The following HCRTR2 variants were observed in gnomAD, a reference collection of about 807,000 sequenced individuals.
HCRTR2 encodes the protein hypocretin receptor 2, also known as orexin receptor type 2.
HCRTR2 carries 22 observed loss-of-function variants against 49.0 expected under a neutral mutation model. The ratio of observed to expected loss-of-function variants is 0.45; its 90% CI spans 0.32 to 0.64. The LOEUF (loss-of-function observed/expected upper bound fraction) is 0.64, where lower values mean the gene tolerates loss of function less well. Among genes scored for constraint, HCRTR2 ranks in the 30% least tolerant of loss-of-function variants. The pLI is 0.04. For missense variants in HCRTR2, 491 were observed against 559.4 expected (o/e 0.88, Z 1.23); for synonymous variants, 236 against 205.3 (o/e 1.15, Z -1.28).
chr6:55,255,107 T>A (rs764471029), intron 2 of HCRTR2, 29 bp from the exon 3 acceptor site: 2 of 1,612,816 alleles, frequency 1.2e-6, no homozygotes, highest in Admixed American at 3.3e-5. Context: ...CTGGTGCTTC[T>A]CTATTACTAT....
intron 1 of HCRTR2, among the ~76,000 whole-genome samples, chr6:55,116,724 A>AAAAC (rs1554165904): frequency 6.9e-6 from 1 of 144,230 alleles, no homozygotes; most frequent in African/African-American, 2.5e-5. Context: ...AGAAAAAAAA[A>AAAAC]AAAACTCTTA....
intron 1 of HCRTR2, among the ~76,000 whole-genome samples, chr6:55,204,674 G>A (rs1400085358): frequency 6.6e-6 from 1 of 152,144 alleles, no homozygotes; most frequent in East Asian, 1.9e-4. Context: ...AAAAGAGTGG[G>A]AGAGAAAGTC....
At chr6:55,152,549 A>C (rs1459734621) in intron 1 of HCRTR2, among the ~76,000 whole-genome samples, 1 of 152,000 alleles carries the variant, frequency 6.6e-6, no homozygotes, top group Non-Finnish European at 1.5e-5. Context: ...CTATAGCCTA[A>C]GTAGCTTATA....
At chr6:55,241,735 A>G (rs971886300) in intron 1 of HCRTR2, among the ~76,000 whole-genome samples, 1 of 151,876 alleles carries the variant, frequency 6.6e-6, no homozygotes, top group East Asian at 1.9e-4. Context: ...AAAATACCAT[A>G]TTTATAAAAT....
At chr6:55,273,047 A>G (rs1767004441) in intron 4 of HCRTR2, among the ~76,000 whole-genome samples, 1 of 152,030 alleles carries the variant, frequency 6.6e-6, no homozygotes. Flanking sequence ...AAAAGGAACA[A>G]ATAAAATTAC....
At chr6:55,164,837 A>G (rs188491363) in intron 1 of HCRTR2, among the ~76,000 whole-genome samples, 3 of 152,272 alleles carry the variant, frequency 2.0e-5, no homozygotes, top group East Asian at 1.9e-4. Context: ...CTGGAGACCA[A>G]TCCTGGAGTG....
chr6:55,278,275 A>G (rs770463839), intron 5 of HCRTR2, among the ~76,000 whole-genome samples: 7 of 152,232 alleles, frequency 4.6e-5, no homozygotes, highest in Non-Finnish European at 7.3e-5. Flanking sequence ...GCAGTGGTAC[A>G]CACTAAACTT....
At chr6:55,242,638 T>A (rs1292741044) in intron 1 of HCRTR2, among the ~76,000 whole-genome samples, 1 of 152,222 alleles carries the variant, frequency 6.6e-6, no homozygotes, top group African/African-American at 2.4e-5. Context: ...AATTATTAGT[T>A]GGCATTTCAA....
chr6:55,236,130 C>T (rs1489791141), intron 1 of HCRTR2, among the ~76,000 whole-genome samples: 4 of 151,962 alleles, frequency 2.6e-5, no homozygotes, highest in Non-Finnish European at 4.4e-5. Context: ...TCTTCGATTC[C>T]ATGAGTAGGG....
intron 1 of HCRTR2, among the ~76,000 whole-genome samples, chr6:55,142,363 ATTTTT>A (rs60317937): frequency 3.9e-5 from 5 of 127,678 alleles, no homozygotes; most frequent in African/African-American, 1.5e-4. Flanking sequence ...CGCCCTGTTA[ATTTTT>A]TTTTTTTTTT....
At chr6:55,216,775 C>T (rs780366046) in intron 1 of HCRTR2, among the ~76,000 whole-genome samples, 78 of 152,218 alleles carry the variant, frequency 5.1e-4, no homozygotes, top group Non-Finnish European at 9.3e-4. Context: ...GCTGGTGTTT[C>T]TATAATTCTA....
chr6:55,198,946 G>A (rs1765464091), intron 1 of HCRTR2, among the ~76,000 whole-genome samples: 1 of 152,132 alleles, frequency 6.6e-6, no homozygotes, highest in Non-Finnish European at 1.5e-5. Flanking sequence ...AACACAATAG[G>A]ATCAATTACA....
intron 1 of HCRTR2, among the ~76,000 whole-genome samples, chr6:55,209,559 G>A (rs1016173451): frequency 3.9e-5 from 6 of 152,236 alleles, no homozygotes; most frequent in African/African-American, 1.4e-4. Context: ...GAGACTCGTG[G>A]GAGGCAGGGC....
intron 1 of HCRTR2, among the ~76,000 whole-genome samples, chr6:55,245,659 A>G (rs1370272904): frequency 6.6e-6 from 1 of 151,408 alleles, no homozygotes; most frequent in African/African-American, 2.4e-5. Context: ...TAGCTCACTT[A>G]GAGCTATTAC....
chr6:55,248,047 T>C (rs1562021209), intron 1 of HCRTR2, among the ~76,000 whole-genome samples: 1 of 152,114 alleles, frequency 6.6e-6, no homozygotes, highest in Non-Finnish European at 1.5e-5. Context: ...CTCAGCTTCC[T>C]CTTTTATAAA....
downstream of HCRTR2, chr6:55,282,707 A>C: frequency 2.5e-6 from 1 of 400,752 alleles, no homozygotes; most frequent in Middle Eastern, 6.2e-4. Context: ...TTCATGTATT[A>C]AAATGTGTCA....
At chr6:55,107,311 C>T (rs1440362648) in intron 1 of HCRTR2, among the ~76,000 whole-genome samples, 3 of 152,114 alleles carry the variant, frequency 2.0e-5, no homozygotes, top group Non-Finnish European at 2.9e-5. Flanking sequence ...TCTTCCTACT[C>T]TGACTTCTTG....
intron 1 of HCRTR2, among the ~76,000 whole-genome samples, chr6:55,177,374 C>G (rs1765059543): frequency 6.6e-6 from 1 of 152,190 alleles, no homozygotes; most frequent in Admixed American, 6.5e-5. Context: ...AGTGTCGTTA[C>G]TCACAGACAA....
At chr6:55,130,450 C>A (rs1050142128) in intron 1 of HCRTR2, among the ~76,000 whole-genome samples, 2 of 150,558 alleles carry the variant, frequency 1.3e-5, no homozygotes, top group African/African-American at 4.9e-5. Context: ...CTATAAATTT[C>A]ATCTCCAATA....
Sources: gnomAD v4.1 joint callset for allele counts (sites outside exome capture counted in the v4.1 genomes callset) on GRCh38, gnomAD v4.1.1 for gene constraint, MANE v1.5 for transcripts, NCBI Gene and HGNC (gene_info 2026-07-23, HGNC 2026-07-21) for gene names.